The following HLA-DQB2 variants were observed in gnomAD, a reference collection of about 807,000 sequenced individuals.
HLA-DQB2 encodes HLA class II histocompatibility antigen, DQ beta 2 chain.
Under a neutral mutation model 29.2 loss-of-function variants are expected in HLA-DQB2, and 24 were observed. The observed-to-expected ratio is 0.82, with a 90% confidence interval of 0.60 to 1.16. HLA-DQB2 has a LOEUF of 1.16. Among genes scored for constraint, HLA-DQB2 ranks in the 50% most tolerant of loss-of-function variants. HLA-DQB2 has a pLI of 0.00. For missense variants in HLA-DQB2, 273 were observed against 343.6 expected (o/e 0.79, Z 1.62); for synonymous variants, 104 against 133.1 (o/e 0.78, Z 1.51).
intron 3 of HLA-DQB2, 33 bp downstream of exon 3, chr6:32,758,817 G>T: frequency 1.9e-6 from 3 of 1,595,832 alleles, no homozygotes; most frequent in East Asian, 2.2e-5. Context: ...GTCTTGTGGG[G>T]CCCACAGTAA....
At chr6:32,757,728 C>G in intron 4 of HLA-DQB2, 45 bp downstream of exon 4, 1 of 1,502,478 alleles carries the variant, frequency 6.7e-7, no homozygotes, top group Non-Finnish European at 9.1e-7. Context: ...AATAGAGGGT[C>G]TGGGTCACAG....
intron 4 of HLA-DQB2, among the ~76,000 whole-genome samples, chr6:32,757,541 G>T (rs116787154): frequency 0.047 from 7,034 of 151,096 alleles, 163 homozygotes; most frequent in African/African-American, 0.12. Flanking sequence ...AGGAGCCAGT[G>T]AGACGATGAT....
chr6:32,756,878 C>T, intron 5 of HLA-DQB2: 1 of 1,177,702 alleles, frequency 8.5e-7, no homozygotes, highest in South Asian at 3.1e-5. Context: ...CAAAAAGATG[C>T]CACCAAAGTT....
chr6:32,758,718 G>C, intron 3 of HLA-DQB2, 132 bp downstream of exon 3: 44 of 1,025,074 alleles, frequency 4.3e-5, no homozygotes, highest in Non-Finnish European at 5.9e-5. Context: ...TGGGGCAACA[G>C]GTGCTCTAGT....
At chr6:32,758,747 C>T (rs1274188431) in intron 3 of HLA-DQB2, 103 bp downstream of exon 3, 11 of 1,362,492 alleles carry the variant, frequency 8.1e-6, no homozygotes, top group South Asian at 1.4e-5. Context: ...ATTCCCAGCT[C>T]AGTAGTGATG....
chr6:32,757,025 C>CT (rs9282285), intron 5 of HLA-DQB2: 269,521 of 1,176,960 alleles, frequency 0.23, 4,903 homozygotes, highest in South Asian at 0.26. Flanking sequence ...TCATGCTCTT[C>CT]TTTTTTTTTT....
At chr6:32,757,176 C>T (rs919561842) in intron 5 of HLA-DQB2, 105 bp downstream of exon 5, 25 of 1,518,564 alleles carry the variant, frequency 1.6e-5, no homozygotes, top group Admixed American at 9.8e-5. Flanking sequence ...CACACCACCA[C>T]GTCCAGCTAA....
rs183054409 is a variant in HLA-DQB2, at chr6:32,757,467, A to T, written c.758-163T>A. 3.5e-4 allele frequency among the ~76,000 whole-genome samples: 54 copies of T among 152,318 alleles called. No homozygotes were observed. The Middle Eastern group carries it at 0.01, about 29-fold the overall frequency. On this transcript the variant is annotated intron_variant, in intron 4 of 5. Transcript: ENST00000437316. ...AAGTTAAAATCCCCCAAAACAAAGGAAATTGTCACTAGAAGACAAGGAGGC... is the reference window on the plus strand; with the variant it reads ...AAGTTAAAATCCCCCAAAACAAAGGTAATTGTCACTAGAAGACAAGGAGGC...
At chr6:32,757,009 C>A (rs182603727) in intron 5 of HLA-DQB2, 1 of 1,325,098 alleles carries the variant, frequency 7.5e-7, no homozygotes, top group African/African-American at 1.6e-5. Flanking sequence ...CCCTGGAACA[C>A]TCCGCTCATG....
Position 32,761,760 on chromosome 6 carries a change from C to A in HLA-DQB2, c.264G>T (p.Trp88Cys), listed in dbSNP as rs1479187053. 2 of 1,565,296 alleles carry A rather than the reference C, an allele frequency of 1.3e-6. No individual in the cohort carries two copies. The highest frequency in any genetic ancestry group is 1.4e-5 in the African/African-American group (1 of 72,912). The part of the protein sequence containing the change: ...VTELGRSIED[W>C]NNYKDFLEQE... ...GCTCCAAGAAGTCCTTATAGTTGTT[C>A]CAGTCCTCGATGCTCCGCCCCAGCT... The change falls in exon 2 of 6, where the codon TGG (tryptophan) becomes TGT (cysteine). Residue 88 changes from tryptophan (W) to cysteine (C), a missense_variant. Transcript: ENST00000437316.
chr6:32,759,591 T>A (rs923586168), intron 2 of HLA-DQB2, among the ~76,000 whole-genome samples: 1 of 152,228 alleles, frequency 6.6e-6, no homozygotes, highest in East Asian at 1.9e-4. Flanking sequence ...TTCTTTAGTG[T>A]AAAATTATAG....
At chr6:32,762,077 C>G (rs544891124) in intron 1 of HLA-DQB2, among the ~76,000 whole-genome samples, 151 bp from the exon 2 acceptor site, 4 of 152,206 alleles carry the variant, frequency 2.6e-5, no homozygotes, top group African/African-American at 9.6e-5. Context: ...GCCCGTGCCT[C>G]GTGCTCCGGA....
intron 2 of HLA-DQB2, among the ~76,000 whole-genome samples, chr6:32,761,404 C>G (rs144633728): frequency 6.6e-6 from 1 of 152,330 alleles, no homozygotes; most frequent in East Asian, 1.9e-4. Context: ...GGCCGATGGA[C>G]GGGGAGGCTG....
chr6:32,757,325 G>C, intron 4 of HLA-DQB2, 21 bp from the exon 5 acceptor site: 1 of 1,517,244 alleles, frequency 6.6e-7, no homozygotes, highest in Non-Finnish European at 9.0e-7. Flanking sequence ...AAGTTATACA[G>C]AGAAAGGTCT....
chr6:32,757,378 A>G, intron 4 of HLA-DQB2, 74 bp from the exon 5 acceptor site: 1 of 1,120,542 alleles, frequency 8.9e-7, no homozygotes, highest in Non-Finnish European at 1.3e-6. Context: ...GGAAAATGAC[A>G]CATGTAGTTT....
chr6:32,756,365 G>T lies in HLA-DQB2; in HGVS notation c.*88C>A. 1 of 837,732 alleles carries T rather than the reference G, an allele frequency of 1.2e-6. No homozygotes were observed. The highest frequency in any genetic ancestry group is 2.0e-6 in the Non-Finnish European group (1 of 491,708). 51.9% of individuals were successfully genotyped at this position (837,732 alleles called of 1,614,324 possible). ...TAGGACTCTGACCTCAGTGGGACAG[G>T]GTGACACAGGCAGCTAGGAATTCTG... is the stretch of plus-strand genomic sequence containing the variant. On this transcript the variant is annotated 3_prime_UTR_variant, in exon 6 of 6. Transcript: ENST00000437316.
At chr6:32,758,823 A>C (rs1287750711) in intron 3 of HLA-DQB2, 27 bp downstream of exon 3, 2 of 1,600,964 alleles carry the variant, frequency 1.2e-6, no homozygotes, top group African/African-American at 2.7e-5. Context: ...TGGGGCCCAC[A>C]GTAAAAGGAA....
chr6:32,756,553 C>T, intron 5 of HLA-DQB2, 87 bp from the exon 6 acceptor site: 1 of 1,533,250 alleles, frequency 6.5e-7, no homozygotes, highest in Non-Finnish European at 8.8e-7. Flanking sequence ...TCTGTAGCAT[C>T]AAACAGAGGA....
chr6:32,761,604 CAAG>C (rs1375805815), intron 2 of HLA-DQB2, 53 bp downstream of exon 2: 1 of 1,501,852 alleles, frequency 6.7e-7, no homozygotes, highest in Admixed American at 2.0e-5. Flanking sequence ...CCTCTGTGCG[CAAG>C]AGACTCGGGC....
Sources: gnomAD v4.1 joint callset for allele counts (sites outside exome capture counted in the v4.1 genomes callset) on GRCh38, gnomAD v4.1.1 for gene constraint, MANE v1.5 for transcripts, NCBI Gene and HGNC (gene_info 2026-07-23, HGNC 2026-07-21) for gene names.